Variants in ASTN2 observed in about 807,000 individuals in gnomAD.
ASTN2 encodes the protein astrotactin 2.
A neutral mutation model predicts 139.8 loss-of-function variants in ASTN2; 54 were observed. The ratio of observed to expected loss-of-function variants is 0.39; its 90% CI spans 0.31 to 0.48. The LOEUF is 0.48. ASTN2 is among the 20% of genes least tolerant of loss of function. ASTN2 has a pLI of 0.95. For synonymous variants in ASTN2, 756 were observed against 719.5 expected (o/e 1.05, Z -0.81); for missense variants, 1,565 against 1,725.1 (o/e 0.91, Z 1.64).
Position 116,699,705 on chromosome 9 carries a change from G to C in ASTN2, c.2806+26066C>G, listed in dbSNP as rs142781513. ...TCTGAGAAGATATTCCACCCCATAG[G>C]GGATGAGAAATTATCAGTTTCTTCT... On this transcript the variant is annotated intron_variant, in intron 16 of 22. Transcript: ENST00000313400. The surrounding 1 kb of genome is among the most constrained non-coding windows in gnomAD (Gnocchi z 4.2). 22 of 1,614,166 alleles carry C rather than the reference G, an allele frequency of 1.4e-5. No homozygotes were observed. In the South Asian group the frequency reaches 2.3e-4, roughly 17 times the overall value.
intron 4 of ASTN2, among the ~76,000 whole-genome samples, chr9:117,104,629 C>T (rs1012120018): frequency 3.3e-5 from 5 of 152,152 alleles, no homozygotes; most frequent in African/African-American, 9.7e-5. Context: ...TAAATACACA[C>T]ATGCAAAAAC....
chr9:117,034,948 T>C (rs1838341188), intron 6 of ASTN2, among the ~76,000 whole-genome samples: 1 of 152,176 alleles, frequency 6.6e-6, no homozygotes, highest in South Asian at 2.1e-4. Context: ...ACCTTTTCTT[T>C]ATAATCGACA....
chr9:116,449,218 C>A (rs1848101486), intron 20 of ASTN2, among the ~76,000 whole-genome samples: 1 of 152,072 alleles, frequency 6.6e-6, no homozygotes, highest in African/African-American at 2.4e-5. Flanking sequence ...CCAGTCTGGG[C>A]AACATGGTGA....
intron 10 of ASTN2, among the ~76,000 whole-genome samples, chr9:116,916,736 A>T (rs1412775186): frequency 1.3e-5 from 2 of 152,060 alleles, no homozygotes; most frequent in East Asian, 1.9e-4. Flanking sequence ...GCTACTTGGG[A>T]GGCTGAGATT....
chr9:116,542,085 C>G (rs1680103790), intron 19 of ASTN2, among the ~76,000 whole-genome samples: 2 of 152,278 alleles, frequency 1.3e-5, no homozygotes, highest in South Asian at 4.2e-4. Flanking sequence ...GCTCCACATA[C>G]TATTTTGTAA....
chr9:116,909,711 G>A (rs1834260703), intron 10 of ASTN2, among the ~76,000 whole-genome samples: 1 of 152,208 alleles, frequency 6.6e-6, no homozygotes, highest in Non-Finnish European at 1.5e-5. Flanking sequence ...CAGGGAGAGT[G>A]AGCTGCCTGT....
Position 116,906,457 on chromosome 9 carries a change from C to A in ASTN2, c.1890-42724G>T, listed in dbSNP as rs548831670. 3.5e-4 allele frequency among the ~76,000 whole-genome samples: 53 copies of A among 152,234 alleles called. 1 individual carries two copies. The South Asian group carries it at 0.011, about 31-fold the overall frequency. On this transcript the variant is annotated intron_variant, in intron 10 of 22. Coordinates refer to ENST00000313400, the MANE Select transcript of ASTN2 (RefSeq NM_001365068.1). ...GTGGGGAACTGAGATTCCAGCCCCC[C>A]CAGACACTTTTGTCTTTCCCCCTTC...
intron 3 of ASTN2, among the ~76,000 whole-genome samples, chr9:117,151,730 G>A (rs1830330867): frequency 6.6e-6 from 1 of 152,130 alleles, no homozygotes; most frequent in Non-Finnish European, 1.5e-5. Context: ...GGGTTATACA[G>A]AAAGTTCCAC....
intron 22 of ASTN2, among the ~76,000 whole-genome samples, chr9:116,428,203 C>A (rs1377484114): frequency 2.6e-5 from 4 of 152,158 alleles, no homozygotes. Flanking sequence ...TGTGTTGAGC[C>A]TCCTAAATGA....
At chr9:116,745,343 G>C (rs1829205999) in intron 13 of ASTN2, among the ~76,000 whole-genome samples, 1 of 152,122 alleles carries the variant, frequency 6.6e-6, no homozygotes, top group Non-Finnish European at 1.5e-5. Context: ...ACTCCTTCCA[G>C]GCAGCAGCTG....
At chr9:116,876,452 T>A (rs141694495) in intron 10 of ASTN2, among the ~76,000 whole-genome samples, 137 of 152,354 alleles carry the variant, frequency 9.0e-4, no homozygotes, top group Admixed American at 1.3e-3. Context: ...ACTTGCTTGA[T>A]AAAGCAGTGG....
intron 4 of ASTN2, among the ~76,000 whole-genome samples, chr9:117,103,867 A>G (rs564211206): frequency 1.6e-4 from 24 of 152,116 alleles, no homozygotes; most frequent in Non-Finnish European, 2.6e-4. Flanking sequence ...CACCCCCTAT[A>G]CCACACAACT....
chr9:116,626,925 C>T (rs1198804655), intron 17 of ASTN2, among the ~76,000 whole-genome samples: 1 of 152,196 alleles, frequency 6.6e-6, no homozygotes, highest in Non-Finnish European at 1.5e-5. Context: ...CATCTGCCAT[C>T]CGTCATCAGC....
chr9:116,486,851 T>C (rs779387594), intron 20 of ASTN2, among the ~76,000 whole-genome samples: 24 of 152,192 alleles, frequency 1.6e-4, no homozygotes, highest in Admixed American at 7.9e-4. Context: ...GGAGTGATAA[T>C]TGCACTATTT....
chr9:116,953,680 T>C (rs1277695366), intron 10 of ASTN2, among the ~76,000 whole-genome samples: 3 of 152,240 alleles, frequency 2.0e-5, no homozygotes, highest in South Asian at 2.1e-4. Flanking sequence ...GTTCCCTGTA[T>C]TGAGCATCTC....
intron 16 of ASTN2, among the ~76,000 whole-genome samples, chr9:116,653,405 G>A (rs777633790): frequency 3.9e-5 from 6 of 152,124 alleles, no homozygotes; most frequent in South Asian, 4.1e-4. Context: ...ACAAGATTTC[G>A]TGAAAATAAA....
At chr9:117,084,870 G>A (rs1828521642) in intron 5 of ASTN2, among the ~76,000 whole-genome samples, 1 of 152,212 alleles carries the variant, frequency 6.6e-6, no homozygotes, top group African/African-American at 2.4e-5. Context: ...TGGCCAGACA[G>A]TCCTATGAAA....
At chr9:116,440,483 G>C (rs1474524302) in intron 22 of ASTN2, 126 bp downstream of exon 22, 2 of 873,424 alleles carry the variant, frequency 2.3e-6, no homozygotes, top group Admixed American at 5.7e-5. Context: ...GCCTTGACAC[G>C]ACCAAGGTGA....
intron 2 of ASTN2, among the ~76,000 whole-genome samples, chr9:117,217,497 C>G (rs1832364287): frequency 6.6e-6 from 1 of 152,216 alleles, no homozygotes; most frequent in Admixed American, 6.5e-5. Flanking sequence ...TTCCTTGTAT[C>G]CTTTGCCTTG....
Sources: allele counts gnomAD v4.1 joint callset (sites outside exome capture counted in the v4.1 genomes callset), GRCh38; gene constraint gnomAD v4.1.1; non-coding constraint Gnocchi (gnomAD v3.1); transcripts MANE v1.5; gene names NCBI Gene and HGNC (gene_info 2026-07-23, HGNC 2026-07-21).